Variants in SLC5A1 observed in about 807,000 individuals in gnomAD.
SLC5A1 encodes solute carrier family 5 member 1.
In SLC5A1, 42 loss-of-function variants were observed where a neutral mutation model predicts 73.5. That is an observed-to-expected ratio of 0.57 (90% CI 0.45 to 0.74). The LOEUF (loss-of-function observed/expected upper bound fraction) is 0.74, where lower values mean the gene tolerates loss of function less well. SLC5A1 is among the 30% of genes least tolerant of loss of function. The pLI, the probability that SLC5A1 is intolerant of heterozygous loss-of-function variation, is 0.00. For synonymous variants in SLC5A1, 300 were observed against 317.4 expected, an observed-to-expected ratio of 0.95 and a Z score of 0.58; for missense variants, 634 against 855.4, an observed-to-expected ratio of 0.74 and a Z score of 3.23.
intron 5 of SLC5A1, among the ~76,000 whole-genome samples, chr22:32,080,973 G>A (rs998551725): frequency 6.6e-6 from 1 of 152,078 alleles, no homozygotes; most frequent in Non-Finnish European, 1.5e-5. Flanking sequence ...TAGCCCGGGC[G>A]ACAGAGTGAG....
Position 32,043,312 on chromosome 22 carries a change from A to G in SLC5A1, c.31A>G (p.Thr11Ala). The G allele has an allele frequency of 6.2e-7, 1 of 1,614,076 alleles. No homozygotes were observed. Among genetic ancestry groups the G allele is most frequent in the Non-Finnish European group, 8.5e-7 (1 of 1,180,014 alleles). The change falls in exon 1 of 15, where the codon ACC (threonine) becomes GCC (alanine). Residue 11 changes from threonine (T) to alanine (A), a missense_variant. Physicochemically the swap from Thr to Ala is moderately conservative, Grantham distance 58. Coordinates refer to ENST00000266088, the MANE Select transcript of SLC5A1 (RefSeq NM_000343.4). The surrounding 1 kb of genome is among the most constrained non-coding windows in gnomAD (Gnocchi z 6.5). MDSSTWSPKTTAVTRPVETHE... is the reference protein window; with the variant it reads MDSSTWSPKTAAVTRPVETHE... ...CAGTAGCACCTGGAGCCCCAAGACC[A>G]CCGCGGTCACCCGGCCTGTTGAGAC...
chr22:32,073,152 A>G (rs1482655058), intron 5 of SLC5A1, among the ~76,000 whole-genome samples: 1 of 152,186 alleles, frequency 6.6e-6, no homozygotes, highest in Non-Finnish European at 1.5e-5. Context: ...TTTTCTCCTT[A>G]GAGTTTCATA....
rs1229387697 is a variant in SLC5A1, at chr22:32,099,216, C to T, written c.1314C>T (p.Ile438=). Residue 438 remains isoleucine (I), a synonymous_variant, in exon 12 of 15, where the codon ATC becomes ATT. Transcript: ENST00000266088. ...TCCTGGTGCTGATTGGCATCAGCAT[C>T]GCCTGGGTGCCCATTGTGCAGTCAG... ...LFILVLIGIS[I]AWVPIVQSAQ... 5.6e-6 allele frequency: 9 copies of T among 1,611,160 alleles called. No homozygotes were observed. The highest frequency in any genetic ancestry group is 7.6e-6 in the Non-Finnish European group (9 of 1,179,226).
chr22:32,049,234 T>TC (rs2093942028), intron 1 of SLC5A1, among the ~76,000 whole-genome samples: 1 of 140,486 alleles, frequency 7.1e-6, no homozygotes, highest in African/African-American at 2.6e-5. Flanking sequence ...TCTATATATA[T>TC]GATGATTCCA....
chr22:32,090,499 T>C (rs1603134072), intron 10 of SLC5A1, among the ~76,000 whole-genome samples: 1 of 152,224 alleles, frequency 6.6e-6, no homozygotes, highest in East Asian at 1.9e-4. Flanking sequence ...TTTTTATTGA[T>C]GAATAATATT....
chr22:32,101,164 C>G (rs2094035656), intron 12 of SLC5A1, among the ~76,000 whole-genome samples: 1 of 152,152 alleles, frequency 6.6e-6, no homozygotes, highest in Admixed American at 6.5e-5. Context: ...ATACCAATGG[C>G]TAGCAAAGAG....
chr22:32,104,809 G>A lies in SLC5A1; in HGVS notation c.1689G>A (p.Leu563=), dbSNP rs780933010. 3 of 1,613,978 alleles carry A rather than the reference G, an allele frequency of 1.9e-6. No individual in the cohort carries two copies. The highest frequency in any genetic ancestry group is 4.5e-5 in the East Asian group (2 of 44,890). Residue 563 remains leucine, a synonymous_variant, in exon 14 of 15, where the codon CTG becomes CTA. Coordinates refer to ENST00000266088, the MANE Select transcript of SLC5A1 (RefSeq NM_000343.4). ...DVHLYRLCWS[L]RNSKEERIDL... is the part of the protein sequence containing the mutation. ...AGCTCTACCGTCTGTGTTGGAGCCTGCGCAACAGCAAAGAGGAGCGTATTG... is the reference window on the plus strand; with the variant it reads ...AGCTCTACCGTCTGTGTTGGAGCCTACGCAACAGCAAAGAGGAGCGTATTG...
chr22:32,064,945 AAACT>A (rs1458254678), intron 2 of SLC5A1, among the ~76,000 whole-genome samples: 8 of 152,152 alleles, frequency 5.3e-5, no homozygotes, highest in African/African-American at 1.9e-4. Context: ...ACTTAGAATA[AAACT>A]AACTTTTTTT....
chr22:32,049,718 A>C (rs1270336130), intron 1 of SLC5A1, among the ~76,000 whole-genome samples: 1 of 152,066 alleles, frequency 6.6e-6, no homozygotes, highest in East Asian at 1.9e-4. Context: ...CTAGCCCTAC[A>C]GTAAGCTGTA....
intron 10 of SLC5A1, among the ~76,000 whole-genome samples, chr22:32,090,064 G>C (rs574357410): frequency 1.4e-5 from 2 of 147,420 alleles, no homozygotes; most frequent in African/African-American, 5.0e-5. Flanking sequence ...GACGTAACTT[G>C]CTTAGGATCA....
intron 13 of SLC5A1, 63 bp from the exon 14 acceptor site, chr22:32,104,723 C>T: frequency 7.5e-7 from 1 of 1,340,280 alleles, no homozygotes; most frequent in South Asian, 1.2e-5. Flanking sequence ...CTTTGCCCCC[C>T]CAACTTCTTG....
intron 2 of SLC5A1, among the ~76,000 whole-genome samples, chr22:32,061,298 C>T (rs1235044113): frequency 2.0e-5 from 3 of 152,048 alleles, no homozygotes; most frequent in Non-Finnish European, 4.4e-5. Flanking sequence ...AGCTGTAGTC[C>T]CAGCTACTTG....
chr22:32,102,308 T>A, intron 13 of SLC5A1, 71 bp downstream of exon 13: 4 of 1,165,874 alleles, frequency 3.4e-6, no homozygotes, highest in East Asian at 2.3e-5. Context: ...TTTTTTTAAA[T>A]TTTTCATTAT....
intron 1 of SLC5A1, among the ~76,000 whole-genome samples, chr22:32,046,257 T>C (rs975764160): frequency 2.0e-5 from 3 of 152,120 alleles, no homozygotes; most frequent in African/African-American, 7.2e-5. Context: ...TTTCCACTAT[T>C]CTACCTTTCC....
intron 4 of SLC5A1, 70 bp downstream of exon 4, chr22:32,068,096 C>A: frequency 6.9e-7 from 1 of 1,439,680 alleles, no homozygotes; most frequent in Non-Finnish European, 9.8e-7. Flanking sequence ...TCCTAGAGGG[C>A]AGAGGAGACA....
chr22:32,045,340 T>C (rs2093935817), intron 1 of SLC5A1, among the ~76,000 whole-genome samples: 1 of 152,252 alleles, frequency 6.6e-6, no homozygotes, highest in African/African-American at 2.4e-5. Flanking sequence ...TCAGTATCAC[T>C]TGTCCTGCTA....
intron 2 of SLC5A1, among the ~76,000 whole-genome samples, chr22:32,053,364 C>T (rs944386513): frequency 1.3e-5 from 2 of 151,606 alleles, no homozygotes; most frequent in Admixed American, 6.6e-5. Context: ...TCATTCTTTC[C>T]CTCCTTCCCT....
intron 2 of SLC5A1, chr22:32,059,187 T>C: frequency 1.0e-6 from 1 of 985,084 alleles, no homozygotes; most frequent in Non-Finnish European, 1.2e-6. Flanking sequence ...GCCGAGATCA[T>C]GCCACTGCAC....
intron 10 of SLC5A1, among the ~76,000 whole-genome samples, chr22:32,088,300 C>T (rs1315215693): frequency 1.3e-5 from 2 of 150,056 alleles, no homozygotes; most frequent in Admixed American, 6.6e-5. Flanking sequence ...AGTCCCTCCT[C>T]TTGGCTGTAA....
Sources: allele counts gnomAD v4.1 joint callset (sites outside exome capture counted in the v4.1 genomes callset), GRCh38; gene constraint gnomAD v4.1.1; non-coding constraint Gnocchi (gnomAD v3.1); transcripts MANE v1.5; gene names NCBI Gene and HGNC (gene_info 2026-07-23, HGNC 2026-07-21).